Variants in RASA3 observed in about 807,000 individuals in gnomAD.
The protein encoded by RASA3 is ras GTPase-activating protein 3.
RASA3 carries 73 observed loss-of-function variants against 110.0 expected under a neutral mutation model. That is an observed-to-expected ratio of 0.66 (90% CI 0.55 to 0.81). The LOEUF is 0.81. RASA3 is among the 30% of genes least tolerant of loss of function. The probability of loss-of-function intolerance (pLI) is 0.00; values close to 1 mark genes in which losing one functional copy is unlikely to be tolerated. For synonymous variants in RASA3, 500 were observed against 451.4 expected (o/e 1.11, Z -1.37); for missense variants, 976 against 1,113.2 (o/e 0.88, Z 1.75).
rs868728862 is a variant in RASA3, at chr13:114,052,707, T to G, written c.174-552A>C. Among the ~76,000 whole-genome samples the G allele has an allele frequency of 3.7e-3, 527 of 140,754 alleles. 2 individuals carry two copies. Among genetic ancestry groups the G allele is most frequent in the African/African-American group, 0.013 (476 of 36,448 alleles). The allele number at this position is 140,754 out of a possible 152,430, so 92.3% of individuals were successfully genotyped here. ...GAGAGGCCCCCGCTGCTGACTGTGC[T>G]TAGAGTCCTCGCTCCTGGGGGAGAG... On this transcript the variant is annotated intron_variant, in intron 2 of 23. Coordinates refer to ENST00000334062, the MANE Select transcript of RASA3 (RefSeq NM_007368.4).
chr13:113,997,587 C>T (rs559573870), intron 20 of RASA3, among the ~76,000 whole-genome samples: 292 of 151,676 alleles, frequency 1.9e-3, no homozygotes, highest in African/African-American at 6.5e-3. Context: ...GTGACAGAAG[C>T]CTTAGGATTA....
In RASA3 at chr13:114,092,595, G is replaced by A. The variant is rs551970513; in HGVS notation, c.56-18758C>T. 1.3e-4 allele frequency among the ~76,000 whole-genome samples: 20 copies of A among 152,230 alleles called. No individual in the cohort carries two copies. In the East Asian group the frequency reaches 3.7e-3, roughly 28 times the overall value. On this transcript the variant is annotated intron_variant, in intron 1 of 23. Transcript: ENST00000334062. ...TGTGAGCTAACCTATAGTCTATCCT[G>A]GAGAATGTTCCACTTGCCAATGAGA...
At chr13:114,089,748 C>G (rs904179739) in intron 1 of RASA3, among the ~76,000 whole-genome samples, 7 of 152,140 alleles carry the variant, frequency 4.6e-5, no homozygotes, top group Non-Finnish European at 8.8e-5. Flanking sequence ...TAGTGTATTC[C>G]GAGTTGAGCA....
intron 1 of RASA3, among the ~76,000 whole-genome samples, chr13:114,088,843 C>A (rs2079853942): frequency 6.6e-6 from 1 of 152,206 alleles, no homozygotes; most frequent in Non-Finnish European, 1.5e-5. Context: ...AGCCACTGTG[C>A]CTGGCCCTAA....
chr13:114,055,067 C>T (rs2079217582), intron 2 of RASA3, among the ~76,000 whole-genome samples: 2 of 151,746 alleles, frequency 1.3e-5, no homozygotes, highest in African/African-American at 4.8e-5. Context: ...CGTGTGTGCC[C>T]ACAGGCACGT....
intron 9 of RASA3, among the ~76,000 whole-genome samples, chr13:114,019,814 G>C (rs1203218167): frequency 2.4e-5 from 3 of 122,500 alleles, no homozygotes; most frequent in African/African-American, 6.7e-5. Context: ...GCCTGTGTCC[G>C]AGGCATTAGC....
At chr13:114,036,672 G>C (rs1474050927) in intron 4 of RASA3, among the ~76,000 whole-genome samples, 1 of 152,158 alleles carries the variant, frequency 6.6e-6, no homozygotes, top group Non-Finnish European at 1.5e-5. Context: ...GGAGTAGCTG[G>C]GATTACAGGC....
At chr13:114,033,162 C>T (rs1408132725) in intron 4 of RASA3, among the ~76,000 whole-genome samples, 6 of 81,498 alleles carry the variant, frequency 7.4e-5, no homozygotes, top group African/African-American at 1.0e-4. Context: ...ACGGCACCCC[C>T]ACACTGACAC....
intron 7 of RASA3, among the ~76,000 whole-genome samples, chr13:114,024,947 C>A (rs141523702): frequency 1.3e-5 from 2 of 152,140 alleles, no homozygotes; most frequent in African/African-American, 4.8e-5. Flanking sequence ...CGTGAAGGGT[C>A]GAGGCTCCGG....
chr13:114,098,042 C>T (rs1261493740), intron 1 of RASA3, among the ~76,000 whole-genome samples: 2 of 152,176 alleles, frequency 1.3e-5, no homozygotes, highest in Admixed American at 1.3e-4. Flanking sequence ...GCTGAGCACG[C>T]CGAGGGGCTA....
intron 23 of RASA3, among the ~76,000 whole-genome samples, chr13:113,981,315 A>C (rs2052927821): frequency 6.6e-6 from 1 of 152,134 alleles, no homozygotes; most frequent in African/African-American, 2.4e-5. Context: ...TGGCCTGGAG[A>C]GATGCCAGAG....
intron 9 of RASA3, among the ~76,000 whole-genome samples, chr13:114,019,816 GGC>G: frequency 8.4e-6 from 1 of 119,472 alleles, no homozygotes; most frequent in Non-Finnish European, 1.8e-5. Flanking sequence ...CTGTGTCCGA[GGC>G]ATTAGCAGCC....
chr13:114,011,164 G>A lies in RASA3; in HGVS notation c.1590+7C>T, dbSNP rs779309375. On this transcript the variant is annotated splice_region_variant and intron_variant, in intron 16 of 23. Transcript: ENST00000334062. The surrounding 1 kb of genome is among the most constrained non-coding windows in gnomAD (Gnocchi z 4.8). ...CTAAAAAGAGAAAATGAAGAAGAGGGACTCACAGATTTGGACTTGGACAGG... is the reference window on the plus strand; with the variant it reads ...CTAAAAAGAGAAAATGAAGAAGAGGAACTCACAGATTTGGACTTGGACAGG... 6.2e-7 allele frequency: 1 copy of A among 1,601,168 alleles called. No homozygotes were observed. Among genetic ancestry groups the A allele is most frequent in the South Asian group, 1.1e-5 (1 of 90,196 alleles).
intron 14 of RASA3, among the ~76,000 whole-genome samples, chr13:114,013,768 G>C (rs1236816839): frequency 8.5e-4 from 60 of 70,836 alleles, no homozygotes; most frequent in East Asian, 1.0e-3. Context: ...CCATCTCTCT[G>C]TCTCTCTCCC....
intron 2 of RASA3, among the ~76,000 whole-genome samples, chr13:114,055,064 G>A (rs1248886958): frequency 6.6e-6 from 1 of 152,076 alleles, no homozygotes; most frequent in Non-Finnish European, 1.5e-5. Flanking sequence ...GTACGTGTGT[G>A]CCCACAGGCA....
chr13:114,011,077 T>C lies in RASA3; in HGVS notation c.1590+94A>G, dbSNP rs2053628252. 2 of 1,153,028 alleles carry C rather than the reference T, an allele frequency of 1.7e-6. No individual in the cohort carries two copies. The highest frequency in any genetic ancestry group is 1.9e-4 in the Middle Eastern group (1 of 5,200). 71.4% of individuals were successfully genotyped at this position (1,153,028 alleles called of 1,614,324 possible). The stretch of plus-strand genomic sequence containing the variant: ...TGATTCTTGATCTTTATCTTACGAC[T>C]CTCTCAAATGTGGGAGGTTTTTCAC... On this transcript the variant is annotated intron_variant, in intron 16 of 23. Transcript: ENST00000334062. This position sits in a 1 kb window ranked among gnomAD's most constrained non-coding sequence, Gnocchi z 4.8.
intron 1 of RASA3, among the ~76,000 whole-genome samples, chr13:114,131,939 C>G (rs72659592): frequency 0.2 from 30,613 of 152,132 alleles, 3,198 homozygotes; most frequent in East Asian, 0.26. Context: ...CGGGGCCTCA[C>G]GCCCCTGGGG....
At position 113,977,951 on chromosome 13, in the gene RASA3, T is replaced by G. The variant is rs1338391765; in HGVS notation, c.*1396A>C. ...CTATTTTTACAACATTTTCCTCCAG[T>G]ATTTTTGTGACAAGAAAGTTCCTAT... On this transcript the variant is annotated 3_prime_UTR_variant, in exon 24 of 24. Transcript: ENST00000334062. 6.6e-6 allele frequency: 1 copy of G among 152,260 alleles called. No individual in the cohort carries two copies. The highest frequency in any genetic ancestry group is 1.5e-5 in the Non-Finnish European group (1 of 68,036). The allele number at this position is 152,260 out of a possible 1,614,324, so 9.4% of individuals were successfully genotyped here.
At chr13:114,009,940 G>A (rs1411024863) in intron 16 of RASA3, among the ~76,000 whole-genome samples, 1 of 152,244 alleles carries the variant, frequency 6.6e-6, no homozygotes, top group Non-Finnish European at 1.5e-5. Context: ...GGATTCGGGG[G>A]GGCCTTTGCA....
Sources: gnomAD v4.1 joint callset for allele counts (sites outside exome capture counted in the v4.1 genomes callset) on GRCh38, gnomAD v4.1.1 for gene constraint, Gnocchi (gnomAD v3.1) non-coding constraint, MANE v1.5 for transcripts, NCBI Gene and HGNC (gene_info 2026-07-23, HGNC 2026-07-21) for gene names.